The following CC2D2A variants were observed in gnomAD, a reference collection of about 807,000 sequenced individuals.
CC2D2A encodes coiled-coil and C2 domain containing 2A, also known as coiled-coil and C2 domain-containing protein 2A.
Under a neutral mutation model 212.9 loss-of-function variants are expected in CC2D2A, and 155 were observed. The ratio of observed to expected loss-of-function variants is 0.73; its 90% CI spans 0.64 to 0.83. The LOEUF is 0.83. CC2D2A is among the 40% of genes least tolerant of loss of function. The probability of loss-of-function intolerance (pLI) is 0.00; values close to 1 mark genes in which losing one functional copy is unlikely to be tolerated. For synonymous variants in CC2D2A, 667 were observed against 686.5 expected, an observed-to-expected ratio of 0.97 and a Z score of 0.44; for missense variants, 1,856 against 1,956.2, an observed-to-expected ratio of 0.95 and a Z score of 0.97.
At position 15,475,960 on chromosome 4, in the gene CC2D2A, A is replaced by C; in HGVS notation, c.28A>C (p.Ile10Leu). 1 of 1,590,556 alleles carries C rather than the reference A, an allele frequency of 6.3e-7. No individual in the cohort carries two copies. Among genetic ancestry groups the C allele is most frequent in the Non-Finnish European group, 8.6e-7 (1 of 1,167,668 alleles). MNPREEKVK[I>L]ITEEFIENDE... ...GAATCCCAGGGAAGAAAAAGTAAAA[A>C]TAATTACAGAGGTAAGTGGCCACTT... The change falls in exon 2 of 37, where the codon ATA becomes CTA. Residue 10 changes from isoleucine to leucine, a missense_variant. Transcript: ENST00000424120.
At chr4:15,575,202 C>T (rs1720350045) in intron 29 of CC2D2A, among the ~76,000 whole-genome samples, 1 of 152,188 alleles carries the variant, frequency 6.6e-6, no homozygotes, top group Non-Finnish European at 1.5e-5. Context: ...CGTACTCTGT[C>T]CTTAGCACTA....
At position 15,515,989 on chromosome 4, in the gene CC2D2A, G is replaced by A; in HGVS notation, c.1002G>A (p.Leu334=). ...ATCAGAACATCATGGAGAACAGATT[G>A]CTGATGCAGGACCCCGTAAGTGTGC... ...RTNQNIMENR[L]LMQDPERRWF... The change falls in exon 10 of 37, where the codon TTG becomes TTA. Residue 334 remains leucine, a synonymous_variant. Coordinates refer to ENST00000424120, the MANE Select transcript of CC2D2A (RefSeq NM_001378615.1). The A allele has an allele frequency of 6.3e-7, 1 of 1,591,802 alleles. No homozygotes were observed. The highest frequency in any genetic ancestry group is 8.6e-7 in the Non-Finnish European group (1 of 1,168,854).
intron 8 of CC2D2A, among the ~76,000 whole-genome samples, chr4:15,512,731 C>T (rs1359569762): frequency 6.6e-6 from 1 of 152,110 alleles, no homozygotes; most frequent in Non-Finnish European, 1.5e-5. Context: ...GAGGGCGGAT[C>T]ACCTAAGGTC....
Position 15,514,721 on chromosome 4 carries a change from G to A in CC2D2A, c.732G>A (p.Leu244=), listed in dbSNP as rs1196522205. Residue 244 remains leucine (L), a synonymous_variant, in exon 9 of 37, where the codon CTG becomes CTA. Transcript: ENST00000424120. ...GGGKEMDEEE[L]LNGDDAEDFL... Reference sequence around the variant, plus strand: ...ACATTATGCAGGATGAGGAAGAACTGCTTAATGGTGATGATGCCGAGGACT... The same window carrying A: ...ACATTATGCAGGATGAGGAAGAACTACTTAATGGTGATGATGCCGAGGACT... 1.9e-6 allele frequency: 3 copies of A among 1,589,412 alleles called. No homozygotes were observed. Among genetic ancestry groups the A allele is most frequent in the Non-Finnish European group, 1.7e-6 (2 of 1,163,644 alleles).
At chr4:15,538,521 C>T (rs773614147) in intron 16 of CC2D2A, among the ~76,000 whole-genome samples, 6 of 152,258 alleles carry the variant, frequency 3.9e-5, no homozygotes, top group Admixed American at 2.0e-4. Flanking sequence ...GCATGTCCCA[C>T]CTTTCTGGCA....
At chr4:15,538,337 T>C (rs1371009244) in intron 16 of CC2D2A, among the ~76,000 whole-genome samples, 200 bp downstream of exon 16, 3 of 152,220 alleles carry the variant, frequency 2.0e-5, no homozygotes, top group African/African-American at 4.8e-5. Flanking sequence ...TGATTTCATA[T>C]GATTCACCTA....
intron 33 of CC2D2A, among the ~76,000 whole-genome samples, chr4:15,592,694 G>T (rs1430783024): frequency 6.6e-6 from 1 of 151,960 alleles, no homozygotes; most frequent in African/African-American, 2.4e-5. Flanking sequence ...ATTCTTCTAG[G>T]ACCACACCTA....
At chr4:15,570,351 A>T in intron 27 of CC2D2A, 47 bp from the exon 28 acceptor site, 2 of 1,159,256 alleles carry the variant, frequency 1.7e-6, no homozygotes, top group East Asian at 2.5e-5. Flanking sequence ...TAATTAAATG[A>T]GTTTCTGGAG....
At chr4:15,493,686 A>C (rs6449142) in intron 4 of CC2D2A, among the ~76,000 whole-genome samples, 1 of 151,894 alleles carries the variant, frequency 6.6e-6, no homozygotes, top group Non-Finnish European at 1.5e-5. Context: ...TACAGAACTT[A>C]TTTGTGGTCT....
chr4:15,509,880 T>A (rs1323306200), intron 6 of CC2D2A, among the ~76,000 whole-genome samples: 1 of 152,220 alleles, frequency 6.6e-6, no homozygotes, highest in Non-Finnish European at 1.5e-5. Flanking sequence ...TATTTTTTTA[T>A]GTAAACATAA....
chr4:15,500,742 G>A (rs576688407), intron 4 of CC2D2A, among the ~76,000 whole-genome samples: 1 of 152,296 alleles, frequency 6.6e-6, no homozygotes, highest in South Asian at 2.1e-4. Flanking sequence ...GGAACCTGCA[G>A]ACCTGTTATC....
In CC2D2A at chr4:15,500,099, GTGTGTGTGTATATATA is replaced by G. The variant is rs1479472033; in HGVS notation, c.248-2328_248-2313del. 1.3e-3 allele frequency among the ~76,000 whole-genome samples: 92 copies of G among 69,824 alleles called. 1 individual carries two copies. Among genetic ancestry groups the G allele is most frequent in the African/African-American group, 3.5e-3 (79 of 22,452 alleles). 45.8% of individuals were successfully genotyped at this position (69,824 alleles called of 152,430 possible). A position where few individuals can be genotyped will look rare whatever the true frequency, so the allele number is the denominator to read the frequency against. The stretch of plus-strand genomic sequence containing the variant: ...ATTGTGTGTGTGTGTGTGTGTGTGT[GTGTGTGTGTATATATA>G]TATATATATATATATATGTATTTTT... On this transcript the variant is annotated intron_variant, in intron 4 of 36. Transcript: ENST00000424120.
rs1364795853 is a variant in CC2D2A at position 15,500,261 on chromosome 4, C to T, written c.248-2168C>T. Among the ~76,000 whole-genome samples, 4 of 152,010 alleles carry T rather than the reference C, an allele frequency of 2.6e-5. No homozygotes were observed. In the East Asian group the frequency reaches 5.8e-4, roughly 22 times the overall value. On this transcript the variant is annotated intron_variant, in intron 4 of 36. Coordinates refer to ENST00000424120, the MANE Select transcript of CC2D2A (RefSeq NM_001378615.1). ...ATCTCTACATATGCTCCATTATAAT[C>T]CTATTGGACCACCTTTGTATATGGG...
intron 33 of CC2D2A, 23 bp downstream of exon 33, chr4:15,589,702 A>C: frequency 1.4e-6 from 2 of 1,438,344 alleles, no homozygotes; most frequent in Non-Finnish European, 1.8e-6. Flanking sequence ...ATTTCTTCTT[A>C]AATATGGTTA....
At chr4:15,503,683 T>C (rs1240217782) in intron 6 of CC2D2A, among the ~76,000 whole-genome samples, 2 of 152,118 alleles carry the variant, frequency 1.3e-5, no homozygotes, top group African/African-American at 4.8e-5. Flanking sequence ...CTACAAGCCA[T>C]GGAAAGCTAT....
At chr4:15,597,356 A>G in intron 34 of CC2D2A, 51 bp from the exon 35 acceptor site, 8 of 1,290,782 alleles carry the variant, frequency 6.2e-6, no homozygotes, top group Non-Finnish European at 8.7e-6. Context: ...AGGATGTTCA[A>G]ATTAACTGTA....
At chr4:15,475,439 T>C (rs2108965014) in intron 1 of CC2D2A, among the ~76,000 whole-genome samples, 1 of 152,084 alleles carries the variant, frequency 6.6e-6, no homozygotes, top group South Asian at 2.1e-4. Context: ...TGGGGCCTAG[T>C]GCACTGTTCA....
At chr4:15,587,696 A>C in intron 31 of CC2D2A, 120 bp from the exon 32 acceptor site, 1 of 500,946 alleles carries the variant, frequency 2.0e-6, no homozygotes, top group East Asian at 3.2e-5. Context: ...AATTTCGGGC[A>C]AGATTATAGG....
intron 4 of CC2D2A, among the ~76,000 whole-genome samples, chr4:15,494,007 C>A (rs1416685870): frequency 3.9e-5 from 6 of 152,222 alleles, no homozygotes; most frequent in African/African-American, 1.4e-4. Context: ...TAGCATTTCT[C>A]ATGCAGTTCT....
Sources: gnomAD v4.1 joint callset for allele counts (sites outside exome capture counted in the v4.1 genomes callset) on GRCh38, gnomAD v4.1.1 for gene constraint, MANE v1.5 for transcripts, NCBI Gene and HGNC (gene_info 2026-07-23, HGNC 2026-07-21) for gene names.